The following PLCH1 variants were observed in gnomAD, a reference collection of about 807,000 sequenced individuals.
The protein encoded by PLCH1 is phospholipase C eta 1.
A neutral mutation model predicts 126.7 loss-of-function variants in PLCH1; 60 were observed. The observed-to-expected ratio is 0.47, with a 90% confidence interval of 0.38 to 0.59. PLCH1 has a LOEUF of 0.59. PLCH1 is among the 20% of genes least tolerant of loss of function. The probability of loss-of-function intolerance (pLI) is 0.00; values close to 1 mark genes in which losing one functional copy is unlikely to be tolerated. For missense variants in PLCH1, 1,723 were observed against 2,040.0 expected (o/e 0.84, Z 2.99); for synonymous variants, 719 against 734.9 (o/e 0.98, Z 0.35).
intron 6 of PLCH1, among the ~76,000 whole-genome samples, chr3:155,581,169 A>C (rs540128612): frequency 6.6e-6 from 1 of 152,302 alleles, no homozygotes; most frequent in South Asian, 2.1e-4. Context: ...TTCAGATATT[A>C]ATCCAATGTT....
chr3:155,522,450 A>C (rs966778460), intron 11 of PLCH1, among the ~76,000 whole-genome samples: 1 of 152,194 alleles, frequency 6.6e-6, no homozygotes, highest in Non-Finnish European at 1.5e-5. Context: ...AAGAATACAG[A>C]TAGTAACTTT....
intron 11 of PLCH1, among the ~76,000 whole-genome samples, chr3:155,517,047 C>T (rs1303208857): frequency 2.0e-5 from 3 of 152,130 alleles, no homozygotes. Flanking sequence ...TGGCTCATGT[C>T]TGTAATCCCA....
At chr3:155,460,788 AGATAGATAGATAGAT>A (rs1378856310) in intron 21 of PLCH1, among the ~76,000 whole-genome samples, 2 of 16,212 alleles carry the variant, frequency 1.2e-4, no homozygotes, top group Non-Finnish European at 2.6e-4. Flanking sequence ...TAGATATAGA[AGATAGATAGATAGAT>A]AGATAGATAG....
At chr3:155,489,058 G>C (rs1158744871) in intron 19 of PLCH1, among the ~76,000 whole-genome samples, 1 of 152,170 alleles carries the variant, frequency 6.6e-6, no homozygotes, top group Non-Finnish European at 1.5e-5. Flanking sequence ...ATGCCTAACT[G>C]TATTGTAGAG....
intron 2 of PLCH1, among the ~76,000 whole-genome samples, chr3:155,638,970 C>T (rs909406820): frequency 6.6e-6 from 1 of 152,130 alleles, no homozygotes; most frequent in African/African-American, 2.4e-5. Context: ...AAATATATAA[C>T]AGTTTCCCCC....
At chr3:155,663,067 A>C (rs557939724) in intron 2 of PLCH1, among the ~76,000 whole-genome samples, 2 of 152,356 alleles carry the variant, frequency 1.3e-5, no homozygotes, top group South Asian at 4.1e-4. Context: ...ATAAATAAAC[A>C]ATCATGGTGT....
At chr3:155,457,590 C>G (rs928054589) in intron 21 of PLCH1, 4 of 152,126 alleles carry the variant, frequency 2.6e-5, no homozygotes, top group Non-Finnish European at 4.4e-5. Flanking sequence ...CCTATTTAAC[C>G]CATGCTTGCC....
chr3:155,712,676 G>C (rs1747218843), intron 1 of PLCH1, among the ~76,000 whole-genome samples: 1 of 152,114 alleles, frequency 6.6e-6, no homozygotes, highest in Non-Finnish European at 1.5e-5. Context: ...AGAGACGGAG[G>C]TAGCAGTAAG....
intron 1 of PLCH1, among the ~76,000 whole-genome samples, chr3:155,719,298 G>T (rs1747763082): frequency 6.6e-6 from 1 of 151,456 alleles, no homozygotes; most frequent in Admixed American, 6.6e-5. Flanking sequence ...ACTTCACTTA[G>T]AATAATGTTC....
At position 155,658,175 on chromosome 3, in the gene PLCH1, G is replaced by A. The variant is rs78061976; in HGVS notation, c.79+45971C>T. On this transcript the variant is annotated intron_variant, in intron 2 of 22. Coordinates refer to ENST00000460012, the MANE Select transcript of PLCH1 (RefSeq NM_014996.4). ...AGCCACAGCAAAAAGCCCTCAGTCA[G>A]CACAGAGGAAACTGCGAGGCAACAT... 9.4e-3 allele frequency: 1,997 copies of A among 213,420 alleles called. 44 individuals are homozygous for A. Among genetic ancestry groups the A allele is most frequent in the African/African-American group, 0.043 (1,852 of 43,090 alleles). 13.2% of individuals were successfully genotyped at this position (213,420 alleles called of 1,614,324 possible).
At chr3:155,610,580 A>G (rs750079052) in intron 2 of PLCH1, among the ~76,000 whole-genome samples, 3 of 152,074 alleles carry the variant, frequency 2.0e-5, no homozygotes, top group Non-Finnish European at 2.9e-5. Flanking sequence ...AAACAAGATA[A>G]TTATCAGCCA....
At chr3:155,697,737 C>T (rs1416090054) in intron 2 of PLCH1, among the ~76,000 whole-genome samples, 1 of 152,132 alleles carries the variant, frequency 6.6e-6, no homozygotes, top group Non-Finnish European at 1.5e-5. Flanking sequence ...TGTGCTCTAG[C>T]CAGAGGAAAC....
At chr3:155,739,679 T>C (rs1749472212) in intron 1 of PLCH1, among the ~76,000 whole-genome samples, 2 of 152,188 alleles carry the variant, frequency 1.3e-5, no homozygotes, top group African/African-American at 4.8e-5. Context: ...ACTGCATTCC[T>C]GAGTAGTAAT....
intron 2 of PLCH1, among the ~76,000 whole-genome samples, chr3:155,675,029 G>A (rs1329829552): frequency 1.3e-5 from 2 of 152,078 alleles, no homozygotes; most frequent in African/African-American, 4.8e-5. Context: ...CCCTATTTCT[G>A]TATGAAAGCT....
intron 1 of PLCH1, among the ~76,000 whole-genome samples, chr3:155,737,923 T>C (rs1421125498): frequency 6.6e-6 from 1 of 152,150 alleles, no homozygotes; most frequent in Non-Finnish European, 1.5e-5. Flanking sequence ...TGAATTCAAA[T>C]GTTTGGTTCT....
intron 2 of PLCH1, among the ~76,000 whole-genome samples, chr3:155,659,352 G>A (rs940538749): frequency 1.4e-4 from 13 of 91,140 alleles, no homozygotes; most frequent in Non-Finnish European, 1.8e-4. Context: ...TTCCGAGATA[G>A]GGTTTCACTC....
At chr3:155,454,796 T>C (rs1276392475) in intron 21 of PLCH1, among the ~76,000 whole-genome samples, 1 of 152,236 alleles carries the variant, frequency 6.6e-6, no homozygotes, top group African/African-American at 2.4e-5. Context: ...CTGGACTACA[T>C]GACTTGTAGT....
chr3:155,457,935 T>G (rs75259597), intron 21 of PLCH1, among the ~76,000 whole-genome samples: 1 of 152,118 alleles, frequency 6.6e-6, no homozygotes, highest in African/African-American at 2.4e-5. Context: ...TCTGTGGCAC[T>G]GCCACCACCA....
chr3:155,686,102 C>T (rs892925669), intron 2 of PLCH1, among the ~76,000 whole-genome samples: 13 of 152,028 alleles, frequency 8.6e-5, no homozygotes, highest in African/African-American at 3.1e-4. Context: ...TCAAATTATT[C>T]AGAAAAAATA....
Sources: gnomAD v4.1 joint callset for allele counts (sites outside exome capture counted in the v4.1 genomes callset) on GRCh38, gnomAD v4.1.1 for gene constraint, MANE v1.5 for transcripts, NCBI Gene and HGNC (gene_info 2026-07-23, HGNC 2026-07-21) for gene names.